PRKCE: variants seen among roughly 807,000 people sequenced by gnomAD.
PRKCE encodes protein kinase C epsilon type.
In PRKCE, 16 loss-of-function variants were observed where a neutral mutation model predicts 85.4. The ratio of observed to expected loss-of-function variants is 0.19; its 90% CI spans 0.13 to 0.28. The LOEUF (loss-of-function observed/expected upper bound fraction) is 0.28. PRKCE is among the 10% of genes least tolerant of loss of function. PRKCE has a pLI of 1.00. For synonymous variants in PRKCE, 388 were observed against 371.5 expected, an observed-to-expected ratio of 1.04 and a Z score of -0.51; for missense variants, 573 against 975.2, an observed-to-expected ratio of 0.59 and a Z score of 5.49.
chr2:45,990,235 C>T (rs1703679624), intron 6 of PRKCE, among the ~76,000 whole-genome samples: 1 of 152,204 alleles, frequency 6.6e-6, no homozygotes, highest in Non-Finnish European at 1.5e-5. Context: ...CACATGGCCA[C>T]TGACCAGAAA....
chr2:45,784,023 A>G (rs1686400370), intron 1 of PRKCE, among the ~76,000 whole-genome samples: 1 of 152,242 alleles, frequency 6.6e-6, no homozygotes, highest in Non-Finnish European at 1.5e-5. Context: ...ACACTCACCC[A>G]CTAGCATCGC....
chr2:46,086,225 C>T lies in PRKCE; in HGVS notation c.1455C>T (p.Val485=). The T allele has an allele frequency of 6.3e-7, 1 of 1,598,954 alleles. No homozygotes were observed. The highest frequency in any genetic ancestry group is 8.5e-7 in the Non-Finnish European group (1 of 1,179,774). ...CCTTTCAGGACCGCCTCTTTTTCGTCATGGAATATGTAAATGGTGGAGACC... is the reference window on the plus strand; with the variant it reads ...CCTTTCAGGACCGCCTCTTTTTCGTTATGGAATATGTAAATGGTGGAGACC... ...CFQTKDRLFF[V]MEYVNGGDLM... The change falls in exon 11 of 15, where the codon GTC becomes GTT. Residue 485 remains valine (V), a synonymous_variant. Transcript: ENST00000306156.
intron 11 of PRKCE, among the ~76,000 whole-genome samples, chr2:46,135,283 T>C (rs1674849649): frequency 6.6e-6 from 1 of 152,252 alleles, no homozygotes; most frequent in African/African-American, 2.4e-5. Context: ...CTGTGTTCTC[T>C]ATCCCATGAA....
At chr2:45,971,911 G>A (rs1702135242) in intron 2 of PRKCE, among the ~76,000 whole-genome samples, 1 of 152,192 alleles carries the variant, frequency 6.6e-6, no homozygotes, top group Admixed American at 6.5e-5. Flanking sequence ...GAATGACGCT[G>A]CAGTGAATGT....
At chr2:45,825,942 G>A (rs577365294) in intron 1 of PRKCE, among the ~76,000 whole-genome samples, 12 of 152,186 alleles carry the variant, frequency 7.9e-5, no homozygotes, top group African/African-American at 2.4e-4. Context: ...GGGATGGGGG[G>A]ATGATAGACT....
chr2:45,932,791 C>T (rs540397409), intron 2 of PRKCE, among the ~76,000 whole-genome samples: 23 of 152,310 alleles, frequency 1.5e-4, no homozygotes, highest in Admixed American at 2.6e-4. Context: ...TAACTCTCTA[C>T]TCCCCCCAGC....
At chr2:45,740,593 G>C (rs1239694481) in intron 1 of PRKCE, among the ~76,000 whole-genome samples, 1 of 152,084 alleles carries the variant, frequency 6.6e-6, no homozygotes, top group Non-Finnish European at 1.5e-5. Flanking sequence ...TCAGCTCCAG[G>C]AATCTCCCCA....
At chr2:45,866,285 T>TA (rs1693601511) in intron 2 of PRKCE, among the ~76,000 whole-genome samples, 1 of 152,130 alleles carries the variant, frequency 6.6e-6, no homozygotes, top group Non-Finnish European at 1.5e-5. Context: ...TCTTTTTATT[T>TA]ATTTAATTAA....
At chr2:45,933,084 G>A (rs1293937929) in intron 2 of PRKCE, among the ~76,000 whole-genome samples, 1 of 152,072 alleles carries the variant, frequency 6.6e-6, no homozygotes, top group African/African-American at 2.4e-5. Flanking sequence ...TTGCTCTTGA[G>A]TGCCTTTTTA....
At chr2:46,036,453 G>A (rs1707866223) in intron 10 of PRKCE, among the ~76,000 whole-genome samples, 1 of 152,106 alleles carries the variant, frequency 6.6e-6, no homozygotes, top group African/African-American at 2.4e-5. Flanking sequence ...AGCCAGGTAT[G>A]GTGGTACATA....
chr2:45,769,281 T>C (rs1415811755), intron 1 of PRKCE, among the ~76,000 whole-genome samples: 1 of 152,192 alleles, frequency 6.6e-6, no homozygotes, highest in Non-Finnish European at 1.5e-5. Context: ...CTGCATTTCC[T>C]TTTTTTCTCC....
At chr2:45,693,057 T>G (rs949549238) in intron 1 of PRKCE, among the ~76,000 whole-genome samples, 1 of 152,006 alleles carries the variant, frequency 6.6e-6, no homozygotes, top group Non-Finnish European at 1.5e-5. Context: ...TCAGGAGGCC[T>G]GAACTTGGAA....
chr2:45,838,619 C>G (rs1691091230), intron 1 of PRKCE, among the ~76,000 whole-genome samples: 1 of 151,948 alleles, frequency 6.6e-6, no homozygotes, highest in African/African-American at 2.4e-5. Flanking sequence ...ATACTCTTAC[C>G]TTAGTTAAAA....
At chr2:46,055,186 T>G (rs1393519738) in intron 10 of PRKCE, among the ~76,000 whole-genome samples, 1 of 152,236 alleles carries the variant, frequency 6.6e-6, no homozygotes, top group Non-Finnish European at 1.5e-5. Context: ...AAAAGGACAC[T>G]ATTATACTGC....
At chr2:45,921,970 T>C (rs1479553773) in intron 2 of PRKCE, among the ~76,000 whole-genome samples, 2 of 152,164 alleles carry the variant, frequency 1.3e-5, no homozygotes, top group Non-Finnish European at 2.9e-5. Flanking sequence ...TTCCCTCATA[T>C]AGGGAAAATG....
chr2:45,950,267 C>T (rs1700534217), intron 2 of PRKCE, among the ~76,000 whole-genome samples: 1 of 152,128 alleles, frequency 6.6e-6, no homozygotes, highest in Non-Finnish European at 1.5e-5. Context: ...AATATATTTA[C>T]CAAAAATGAA....
chr2:46,153,770 T>TTCC (rs1676881462), intron 13 of PRKCE, among the ~76,000 whole-genome samples: 2 of 142,196 alleles, frequency 1.4e-5, no homozygotes, highest in Non-Finnish European at 3.0e-5. Context: ...CCTCTTCCTC[T>TTCC]TCTTCTTCTT....
At chr2:46,015,830 T>A (rs1706093581) in intron 10 of PRKCE, among the ~76,000 whole-genome samples, 1 of 152,112 alleles carries the variant, frequency 6.6e-6, no homozygotes, top group Non-Finnish European at 1.5e-5. Context: ...TAGACCATAC[T>A]GTCTACCTGA....
chr2:45,831,533 G>C (rs1690422933), intron 1 of PRKCE, among the ~76,000 whole-genome samples: 1 of 152,056 alleles, frequency 6.6e-6, no homozygotes, highest in Non-Finnish European at 1.5e-5. Flanking sequence ...AGGTGTGTGA[G>C]TTTTTTTGTA....
Sources: allele counts gnomAD v4.1 joint callset (sites outside exome capture counted in the v4.1 genomes callset), GRCh38; gene constraint gnomAD v4.1.1; transcripts MANE v1.5; gene names NCBI Gene and HGNC (gene_info 2026-07-23, HGNC 2026-07-21).